The following RELN variants were observed in gnomAD, a reference collection of about 807,000 sequenced individuals.
RELN encodes reelin.
A neutral mutation model predicts 427.6 loss-of-function variants in RELN; 108 were observed. The ratio of observed to expected loss-of-function variants is 0.25; its 90% CI spans 0.22 to 0.30. The LOEUF (loss-of-function observed/expected upper bound fraction) is 0.30, where lower values mean the gene tolerates loss of function less well. Among genes scored for constraint, RELN ranks in the 10% least tolerant of loss-of-function variants. The probability of loss-of-function intolerance (pLI) is 1.00; values close to 1 mark genes in which losing one functional copy is unlikely to be tolerated. For synonymous variants in RELN, 1,524 were observed against 1,513.4 expected, an observed-to-expected ratio of 1.01 and a Z score of -0.16; for missense variants, 3,715 against 4,302.8, an observed-to-expected ratio of 0.86 and a Z score of 3.82.
intron 1 of RELN, among the ~76,000 whole-genome samples, chr7:103,963,194 C>T (rs1031808000): frequency 1.3e-5 from 2 of 150,238 alleles, no homozygotes; most frequent in African/African-American, 4.9e-5. Context: ...CCTCTGTCTT[C>T]GCTTTGTCCT....
At chr7:103,541,021 G>C (rs963962506) in intron 43 of RELN, among the ~76,000 whole-genome samples, 27 of 152,184 alleles carry the variant, frequency 1.8e-4, no homozygotes, top group African/African-American at 6.3e-4. Context: ...TTTTGGAAGA[G>C]GTATGTCAAG....
intron 16 of RELN, among the ~76,000 whole-genome samples, chr7:103,646,507 T>G (rs1832800452): frequency 6.6e-6 from 1 of 151,732 alleles, no homozygotes; most frequent in Non-Finnish European, 1.5e-5. Flanking sequence ...ATGTGCACAA[T>G]CCAGAAAACC....
intron 3 of RELN, among the ~76,000 whole-genome samples, chr7:103,818,450 A>AT (rs1437594770): frequency 6.6e-6 from 1 of 152,226 alleles, no homozygotes; most frequent in African/African-American, 2.4e-5. Context: ...ATGAAACATT[A>AT]TTATACAGGA....
chr7:103,695,466 T>A (rs1833958910), intron 10 of RELN, among the ~76,000 whole-genome samples: 1 of 152,072 alleles, frequency 6.6e-6, no homozygotes, highest in Non-Finnish European at 1.5e-5. Context: ...ATGAGTAGGA[T>A]GAGGGACCAC....
chr7:103,644,820 T>G (rs1041249676), intron 16 of RELN, among the ~76,000 whole-genome samples: 1 of 151,742 alleles, frequency 6.6e-6, no homozygotes, highest in African/African-American at 2.4e-5. Context: ...CACCAAGTTA[T>G]ATAGTCATCA....
At chr7:103,770,388 C>T (rs1166643295) in intron 4 of RELN, among the ~76,000 whole-genome samples, 4 of 152,102 alleles carry the variant, frequency 2.6e-5, no homozygotes, top group Admixed American at 2.6e-4. Context: ...CCCGCCCAGC[C>T]CAAATCTTAC....
chr7:103,791,779 TTTTAA>T (rs750390172), intron 3 of RELN, among the ~76,000 whole-genome samples: 1 of 151,018 alleles, frequency 6.6e-6, no homozygotes, highest in Non-Finnish European at 1.5e-5. Flanking sequence ...TTTAAAAAGT[TTTTAA>T]AAAAAAAGAC....
At chr7:103,670,779 AG>A (rs753729217) in intron 11 of RELN, among the ~76,000 whole-genome samples, 30 of 152,202 alleles carry the variant, frequency 2.0e-4, no homozygotes, top group Non-Finnish European at 3.1e-4. Flanking sequence ...ATATGAACAT[AG>A]GAATTAGAGA....
chr7:103,664,201 GA>G (rs1833206778), intron 11 of RELN, among the ~76,000 whole-genome samples: 1 of 152,162 alleles, frequency 6.6e-6, no homozygotes, highest in Non-Finnish European at 1.5e-5. Context: ...GTGTTTGGGG[GA>G]ATGACCATAA....
rs1831715696 is a variant in RELN at position 103,603,144 on chromosome 7, T to C, written c.3333+160A>G. 6.6e-6 allele frequency among the ~76,000 whole-genome samples: 1 copy of C among 152,142 alleles called. No homozygotes were observed. The highest frequency in any genetic ancestry group is 1.5e-5 in the Non-Finnish European group (1 of 68,048). ...GAGTAATAAAAAGAACAACAAGAAT[T>C]TCCCAAGACATAGCTAAGGAATAGG... On this transcript the variant is annotated intron_variant, in intron 24 of 64. Coordinates refer to ENST00000428762, the MANE Select transcript of RELN (RefSeq NM_005045.4). This position sits in a 1 kb window ranked among gnomAD's most constrained non-coding sequence, Gnocchi z 4.3.
At position 103,555,736 on chromosome 7, in the gene RELN, G is replaced by C. The variant is rs375352998; in HGVS notation, c.5797+1241C>G. Among the ~76,000 whole-genome samples, 21 of 152,284 alleles carry C rather than the reference G, an allele frequency of 1.4e-4. No individual in the cohort carries two copies. In the South Asian group the frequency reaches 2.3e-3, roughly 17 times the overall value. ...GATCCACCTGCCTCGGCCTCCCAAA[G>C]TGCTGGGATTACAGTTGTGAGCCAC... On this transcript the variant is annotated intron_variant, in intron 38 of 64. Transcript: ENST00000428762.
At chr7:103,739,163 T>A (rs549961732) in intron 6 of RELN, among the ~76,000 whole-genome samples, 2 of 152,306 alleles carry the variant, frequency 1.3e-5, no homozygotes, top group Admixed American at 6.5e-5. Context: ...CTGTTAGGTA[T>A]AATTATTTTT....
chr7:103,935,531 C>A (rs1795962756), intron 1 of RELN, among the ~76,000 whole-genome samples: 1 of 152,106 alleles, frequency 6.6e-6, no homozygotes, highest in African/African-American at 2.4e-5. Flanking sequence ...CCTAGGCCCT[C>A]TTCCACTCCT....
At chr7:103,667,844 A>C (rs1833304425) in intron 11 of RELN, among the ~76,000 whole-genome samples, 2 of 152,220 alleles carry the variant, frequency 1.3e-5, no homozygotes, top group Non-Finnish European at 2.9e-5. Context: ...CTATCCAGGG[A>C]AATAATTTTT....
chr7:103,689,867 T>C (rs988638560), intron 10 of RELN, among the ~76,000 whole-genome samples: 1 of 152,148 alleles, frequency 6.6e-6, no homozygotes, highest in Non-Finnish European at 1.5e-5. Flanking sequence ...AATGTTTTTC[T>C]TTCAACTTAA....
intron 3 of RELN, among the ~76,000 whole-genome samples, chr7:103,782,717 C>A (rs1791922235): frequency 6.6e-6 from 1 of 152,082 alleles, no homozygotes; most frequent in Non-Finnish European, 1.5e-5. Flanking sequence ...AGAAGGAATA[C>A]AAAAGTATTT....
intron 11 of RELN, among the ~76,000 whole-genome samples, chr7:103,674,286 C>T (rs2382882): frequency 0.034 from 5,164 of 152,192 alleles, 272 homozygotes; most frequent in African/African-American, 0.12. Context: ...ATGCAGTGTA[C>T]GCCCTTATCC....
chr7:103,851,985 C>G (rs879526097), intron 2 of RELN, among the ~76,000 whole-genome samples: 39 of 152,300 alleles, frequency 2.6e-4, no homozygotes, highest in Non-Finnish European at 2.1e-4. Flanking sequence ...AATAGTTAGA[C>G]TGCTGAGTCC....
At chr7:103,687,983 C>T (rs1041038335) in intron 10 of RELN, among the ~76,000 whole-genome samples, 2 of 152,112 alleles carry the variant, frequency 1.3e-5, no homozygotes, top group African/African-American at 2.4e-5. Context: ...ACACTACTTA[C>T]ATTTAACCCT....
Sources: gnomAD v4.1 joint callset for allele counts (sites outside exome capture counted in the v4.1 genomes callset) on GRCh38, gnomAD v4.1.1 for gene constraint, Gnocchi (gnomAD v3.1) non-coding constraint, MANE v1.5 for transcripts, NCBI Gene and HGNC (gene_info 2026-07-23, HGNC 2026-07-21) for gene names.